Variants in CLPTM1L observed in about 807,000 individuals in gnomAD.
CLPTM1L encodes CLPTM1 like, also known as lipid scramblase CLPTM1L.
CLPTM1L carries 38 observed loss-of-function variants against 70.9 expected under a neutral mutation model. That is an observed-to-expected ratio of 0.54 (90% CI 0.41 to 0.70). CLPTM1L has a LOEUF of 0.70. CLPTM1L is among the 30% of genes least tolerant of loss of function. The pLI is 0.00. For missense variants in CLPTM1L, 652 were observed against 705.9 expected, an observed-to-expected ratio of 0.92 and a Z score of 0.87; for synonymous variants, 339 against 299.9, an observed-to-expected ratio of 1.13 and a Z score of -1.35.
At chr5:1,325,583 C>T (rs1038963315) in intron 10 of CLPTM1L, 168 bp downstream of exon 10, 6 of 654,002 alleles carry the variant, frequency 9.2e-6, no homozygotes, top group African/African-American at 7.3e-5. Flanking sequence ...AATCCTCAGG[C>T]GAAGAGAGTG....
In CLPTM1L at chr5:1,321,764, C is replaced by A. The variant is rs1322575648; in HGVS notation, c.1371G>T (p.Lys457Asn). The change falls in exon 14 of 17, where the codon AAG becomes AAT. Residue 457 changes from lysine (K) to asparagine (N), a missense_variant and splice_region_variant. Lys to Asn is a moderately conservative substitution (Grantham distance 94). Transcript: ENST00000320895. ...CCGCGGGCAGCACACACCGCCTTAC[C>A]TTGTAGTTCACAAAGAGCTGGGGCA... ...FMLPQLFVNY[K>N]LKSVAHLPWK... 6.2e-7 allele frequency: 1 copy of A among 1,614,052 alleles called. No homozygotes were observed. Among genetic ancestry groups the A allele is most frequent in the Admixed American group, 1.7e-5 (1 of 60,018 alleles).
intron 11 of CLPTM1L, 89 bp from the exon 12 acceptor site, chr5:1,323,958 G>T: frequency 1.9e-6 from 2 of 1,032,810 alleles, no homozygotes; most frequent in South Asian, 1.3e-5. Context: ...GACAGGGACA[G>T]ACAGAACGAG....
intron 3 of CLPTM1L, 58 bp downstream of exon 3, chr5:1,341,613 C>A (rs1431840592): frequency 1.4e-6 from 2 of 1,441,258 alleles, no homozygotes; most frequent in African/African-American, 2.8e-5. Context: ...TGGAGAAAGA[C>A]ATGTCCGTTC....
intron 10 of CLPTM1L, chr5:1,325,505 G>C (rs1354230001): frequency 1.9e-6 from 1 of 534,908 alleles, no homozygotes; most frequent in Non-Finnish European, 3.3e-6. Context: ...TCCTCCCAGA[G>C]GCCGGCTCAG....
At chr5:1,322,960 T>A (rs1300507134) in intron 12 of CLPTM1L, 49 bp from the exon 13 acceptor site, 2 of 1,511,340 alleles carry the variant, frequency 1.3e-6, no homozygotes, top group Admixed American at 3.3e-5. Flanking sequence ...TAGCTTAATA[T>A]CTGTATTAAA....
At chr5:1,340,470 T>C (rs1203487932) in intron 3 of CLPTM1L, among the ~76,000 whole-genome samples, 2 of 152,224 alleles carry the variant, frequency 1.3e-5, no homozygotes, top group African/African-American at 4.8e-5. Context: ...AGTTTAGCGA[T>C]AATTTACATT....
chr5:1,344,597 C>T, intron 1 of CLPTM1L, 83 bp downstream of exon 1: 2 of 1,494,904 alleles, frequency 1.3e-6, no homozygotes, highest in Non-Finnish European at 1.8e-6. Flanking sequence ...CAGCTCCGAA[C>T]TGGGACGGGA....
intron 2 of CLPTM1L, among the ~76,000 whole-genome samples, chr5:1,343,550 G>A (rs1284808778): frequency 6.6e-6 from 1 of 152,186 alleles, no homozygotes; most frequent in African/African-American, 2.4e-5. Context: ...GAAAGGTGTG[G>A]GCAGCTACAA....
At position 1,337,848 on chromosome 5, in the gene CLPTM1L, G is replaced by A. The variant is rs1753675113; in HGVS notation, c.678+56C>T. 6.4e-6 allele frequency: 9 copies of A among 1,411,680 alleles called. No homozygotes were observed. In the East Asian group the frequency reaches 2.1e-4, roughly 33 times the overall value. 87.4% of individuals were successfully genotyped at this position (1,411,680 alleles called of 1,614,324 possible). A position where few individuals can be genotyped will look rare whatever the true frequency, so the allele number is the denominator to read the frequency against. ...TTAGGGTGCAGGGGCTGCGGGGCCA[G>A]TCTTGGGGTCAGTGTCTCGCCAGCT... On this transcript the variant is annotated intron_variant, in intron 5 of 16. Transcript: ENST00000320895.
intron 7 of CLPTM1L, 37 bp downstream of exon 7, chr5:1,334,252 C>G (rs367734806): frequency 3.9e-6 from 6 of 1,543,582 alleles, no homozygotes; most frequent in Admixed American, 1.7e-5. Context: ...GGGAGCCCCC[C>G]AAGTGCCTGC....
At chr5:1,326,766 CCATCCAGCTCCTCCTCTACAGGGACATTT>C (rs1561234174) in intron 9 of CLPTM1L, among the ~76,000 whole-genome samples, 2 of 120,178 alleles carry the variant, frequency 1.7e-5, no homozygotes, top group Admixed American at 8.3e-5. Flanking sequence ...CAGGGACAAT[CCATCCAGCTCCTCCTCTACAGGGACATTT>C]CATCCAGCTC....
At chr5:1,335,889 G>A (rs376421559) in intron 5 of CLPTM1L, among the ~76,000 whole-genome samples, 93 of 149,338 alleles carry the variant, frequency 6.2e-4, no homozygotes, top group African/African-American at 2.0e-3. Context: ...CACCCTCCAC[G>A]TTCTGGAACA....
At chr5:1,332,379 A>AT (rs1753152515) in intron 7 of CLPTM1L, 3 of 155,060 alleles carry the variant, frequency 1.9e-5, no homozygotes, top group African/African-American at 7.2e-5. Context: ...TCCAAAAAAA[A>AT]CTTAAAAAAA....
intron 9 of CLPTM1L, among the ~76,000 whole-genome samples, chr5:1,329,524 CAGAGCCTCAGGACTCTCTGCT>C (rs1470219392): frequency 1.4e-5 from 2 of 139,360 alleles, no homozygotes; most frequent in Non-Finnish European, 3.0e-5. Context: ...GCTTGGTGGA[CAGAGCCTCAGGACTCTCTGCT>C]TGGTGGACAG....
At position 1,332,496 on chromosome 5, in the gene CLPTM1L, CCCAGGCACTCAGAA is replaced by C. The variant is rs59325560; in HGVS notation, c.892-627_892-614del. 4.0e-3 allele frequency among the ~76,000 whole-genome samples: 617 copies of C among 152,354 alleles called. 4 individuals carry two copies. Among genetic ancestry groups the C allele is most frequent in the African/African-American group, 0.014 (575 of 41,588 alleles). On this transcript the variant is annotated intron_variant, in intron 7 of 16. Coordinates refer to ENST00000320895, the MANE Select transcript of CLPTM1L (RefSeq NM_030782.5). ...TTTTAGCTTGACTGGCAGCCAAACTCCCAGGCACTCAGAACCAGTGCCGGCCGCACTCCTGGGTG... is the reference window on the plus strand; with the variant it reads ...TTTTAGCTTGACTGGCAGCCAAACTCCCAGTGCCGGCCGCACTCCTGGGTG...
In CLPTM1L at chr5:1,341,949, A is replaced by G. The variant is rs1753962346; in HGVS notation, c.264-89T>C. The G allele has an allele frequency of 5.5e-6, 6 of 1,087,958 alleles. No individual in the cohort carries two copies. In the South Asian group the frequency reaches 9.7e-5, roughly 18 times the overall value. 67.4% of individuals were successfully genotyped at this position (1,087,958 alleles called of 1,614,324 possible). ...AATACCTTTATAAAGCTGCTTCAAT[A>G]AACTAATTTTAGCTCAGAAGTACTA... On this transcript the variant is annotated intron_variant, in intron 2 of 16. Transcript: ENST00000320895.
Position 1,325,774 on chromosome 5 carries a change from T to C in CLPTM1L, c.1123A>G (p.Arg375Gly), listed in dbSNP as rs1268854908. 1.2e-6 allele frequency: 2 copies of C among 1,613,880 alleles called. No individual in the cohort carries two copies. The highest frequency in any genetic ancestry group is 1.7e-6 in the Non-Finnish European group (2 of 1,179,850). ...ACCTGAAATTCGGGCATCAGGCCTCTCCAAAAAATAGTCATCTTCAATGCC... is the reference window on the plus strand; with the variant it reads ...ACCTGAAATTCGGGCATCAGGCCTCCCCAAAAAATAGTCATCTTCAATGCC... ...KKALKMTIFW[R>G]GLMPEFQFGT... is the part of the protein sequence containing the mutation. The change falls in exon 10 of 17, where the codon AGA (arginine) becomes GGA (glycine). Residue 375 changes from arginine (R) to glycine (G), a missense_variant. Physicochemically the swap from Arg to Gly is moderately radical, Grantham distance 125. Coordinates refer to ENST00000320895, the MANE Select transcript of CLPTM1L (RefSeq NM_030782.5).
At position 1,342,835 on chromosome 5, in the gene CLPTM1L, C is replaced by T. The variant is rs192675304; in HGVS notation, c.264-975G>A. ...AACTGCTGGGCTCAAGTGATCCTCC[C>T]GCCTTGGCCTCCCAAACTGCTGGGA... is the stretch of plus-strand genomic sequence containing the variant. On this transcript the variant is annotated intron_variant, in intron 2 of 16. Coordinates refer to ENST00000320895, the MANE Select transcript of CLPTM1L (RefSeq NM_030782.5). This position sits in a 1 kb window ranked among gnomAD's most constrained non-coding sequence, Gnocchi z 4.3. Among the ~76,000 whole-genome samples, 364 of 152,368 alleles carry T rather than the reference C, an allele frequency of 2.4e-3. No homozygotes were observed. Among genetic ancestry groups the T allele is most frequent in the African/African-American group, 8.1e-3 (339 of 41,600 alleles).
chr5:1,330,381 G>A lies in CLPTM1L; in HGVS notation c.979C>T (p.Leu327Phe), dbSNP rs558196797. 6.2e-7 allele frequency: 1 copy of A among 1,612,616 alleles called. No homozygotes were observed. The highest frequency in any genetic ancestry group is 2.2e-5 in the East Asian group (1 of 44,876). The change falls in exon 9 of 17, where the codon CTC becomes TTC. Residue 327 changes from leucine to phenylalanine, a missense_variant and splice_region_variant. Transcript: ENST00000320895. ...ACCACGGTGCTGAAGCAGCGCCAGA[G>A]CACTGGGGACAGGATGGTCGGGCTG... ...SMIGMSTKAV[L>F]WRCFSTVVIF... is the part of the protein sequence containing the mutation.
Sources: allele counts gnomAD v4.1 joint callset (sites outside exome capture counted in the v4.1 genomes callset), GRCh38; gene constraint gnomAD v4.1.1; non-coding constraint Gnocchi (gnomAD v3.1); transcripts MANE v1.5; gene names NCBI Gene and HGNC (gene_info 2026-07-23, HGNC 2026-07-21).